The following GLYATL3 variants were observed in gnomAD, a reference collection of about 807,000 sequenced individuals.
GLYATL3 encodes glycine-N-acyltransferase like 3, also known as glycine N-acyltransferase-like protein 3.
In GLYATL3, 31 loss-of-function variants were observed where a neutral mutation model predicts 28.5. That is an observed-to-expected ratio of 1.09 (90% confidence interval 0.82 to 1.47). GLYATL3 has a LOEUF of 1.47. GLYATL3 is among the 40% of genes most tolerant of loss of function. The pLI is 0.00. For missense variants in GLYATL3, 369 were observed against 351.5 expected (o/e 1.05, Z -0.40); for synonymous variants, 141 against 140.2 (o/e 1.01, Z -0.04).
chr6:49,518,186 T>TTTGTTG (rs369581941), intron 4 of GLYATL3, among the ~76,000 whole-genome samples: 4 of 151,970 alleles, frequency 2.6e-5, no homozygotes, highest in African/African-American at 9.7e-5. Context: ...AGGGCCCTTT[T>TTTGTTG]TTGTTGTTGT....
At chr6:49,523,566 C>G (rs941027387) in intron 5 of GLYATL3, among the ~76,000 whole-genome samples, 5 of 152,220 alleles carry the variant, frequency 3.3e-5, no homozygotes, top group Admixed American at 6.5e-5. Context: ...TCCATGTTCT[C>G]AGACACCAAC....
chr6:49,511,267 G>A (rs1476296170), intron 1 of GLYATL3, among the ~76,000 whole-genome samples: 1 of 152,140 alleles, frequency 6.6e-6, no homozygotes, highest in Non-Finnish European at 1.5e-5. Context: ...AAATCTAATT[G>A]CATGAGAACA....
intron 1 of GLYATL3, among the ~76,000 whole-genome samples, chr6:49,510,121 C>A (rs1005808128): frequency 2.6e-5 from 4 of 151,770 alleles, no homozygotes; most frequent in African/African-American, 9.7e-5. Context: ...CACAACCTCG[C>A]AACCTCCGCC....
chr6:49,510,020 CCTTT>C (rs1335654084), intron 1 of GLYATL3, among the ~76,000 whole-genome samples: 2 of 107,132 alleles, frequency 1.9e-5, no homozygotes, highest in African/African-American at 6.8e-5. Flanking sequence ...TTCCTTCCTT[CCTTT>C]ATTTCATTTA....
chr6:49,514,260 T>C (rs1421507109), intron 2 of GLYATL3, among the ~76,000 whole-genome samples: 1 of 152,210 alleles, frequency 6.6e-6, no homozygotes, highest in Non-Finnish European at 1.5e-5. Context: ...CTGTTTTGAA[T>C]GTAACATAAA....
intron 5 of GLYATL3, among the ~76,000 whole-genome samples, chr6:49,525,093 A>ATTTTTTTTT (rs10630585): frequency 2.8e-5 from 4 of 141,354 alleles, no homozygotes; most frequent in African/African-American, 2.6e-5. Context: ...ATTCTAAAAC[A>ATTTTTTTTT]TTTTTTTTTT....
intron 2 of GLYATL3, among the ~76,000 whole-genome samples, chr6:49,514,021 A>G (rs1046291699): frequency 5.3e-5 from 8 of 152,232 alleles, no homozygotes; most frequent in African/African-American, 9.6e-5. Flanking sequence ...AACAAAGTCC[A>G]TTGAAATCTA....
chr6:49,501,266 G>T (rs2448700), intron 1 of GLYATL3, among the ~76,000 whole-genome samples: 1 of 152,124 alleles, frequency 6.6e-6, no homozygotes, highest in African/African-American at 2.4e-5. Context: ...CTAGCCAGGC[G>T]TTGGTGGTGT....
chr6:49,525,621 A>T (rs1769397177), intron 5 of GLYATL3, among the ~76,000 whole-genome samples: 1 of 151,222 alleles, frequency 6.6e-6, no homozygotes, highest in Admixed American at 6.6e-5. Context: ...TTGAGCAAAG[A>T]ACAGTTCATG....
chr6:49,522,322 G>C (rs901947379), intron 5 of GLYATL3, among the ~76,000 whole-genome samples: 3 of 152,150 alleles, frequency 2.0e-5, no homozygotes, highest in East Asian at 3.9e-4. Flanking sequence ...AAATTATAGA[G>C]CCAAGAAAGA....
chr6:49,509,940 TTTTCTTTCTC>T (rs201422328), intron 1 of GLYATL3, among the ~76,000 whole-genome samples: 2,383 of 124,644 alleles, frequency 0.019, 41 homozygotes, highest in East Asian at 0.02. Flanking sequence ...ATTTTACGTA[TTTTCTTTCTC>T]TTTCTTTCTT....
intron 1 of GLYATL3, among the ~76,000 whole-genome samples, chr6:49,511,413 G>C (rs534573643): frequency 5.9e-5 from 9 of 151,960 alleles, no homozygotes; most frequent in African/African-American, 2.2e-4. Context: ...TCCTCATAAC[G>C]ACCCGACCCA....
chr6:49,510,332 A>G (rs892863202), intron 1 of GLYATL3, among the ~76,000 whole-genome samples: 7 of 152,078 alleles, frequency 4.6e-5, no homozygotes, highest in African/African-American at 1.7e-4. Context: ...ATGAGACACC[A>G]CGCCCAGCCT....
At chr6:49,503,383 A>T (rs1271725578) in intron 1 of GLYATL3, among the ~76,000 whole-genome samples, 4 of 152,208 alleles carry the variant, frequency 2.6e-5, no homozygotes, top group Non-Finnish European at 5.9e-5. Context: ...CATAATTCTG[A>T]ATGTTCAGGT....
Position 49,526,832 on chromosome 6 carries a change from G to A in GLYATL3, c.785G>A (p.Ser262Asn). The change falls in exon 6 of 6, where the codon AGT (serine) becomes AAT (asparagine). Residue 262 changes from serine to asparagine, a missense_variant. By Grantham distance (46) the Ser-to-Asn change is conservative. Coordinates refer to ENST00000371197, the MANE Select transcript of GLYATL3 (RefSeq NM_001010904.2). ...DNTASISLLKSLHAEFLPCRF... is the reference protein window; with the variant it reads ...DNTASISLLKNLHAEFLPCRF... The stretch of plus-strand genomic sequence containing the variant: ...ACGGCGTCTATAAGCCTCCTGAAGA[G>A]TCTCCATGCTGAGTTCTTGCCTTGT... 1 of 1,552,172 alleles carries A rather than the reference G, an allele frequency of 6.4e-7. No homozygotes were observed. Among genetic ancestry groups the A allele is most frequent in the Non-Finnish European group, 8.7e-7 (1 of 1,147,074 alleles).
chr6:49,522,571 T>A (rs1419370679), intron 5 of GLYATL3, among the ~76,000 whole-genome samples: 1 of 152,188 alleles, frequency 6.6e-6, no homozygotes, highest in Non-Finnish European at 1.5e-5. Context: ...TACTGTAGAA[T>A]GATTAAACCA....
rs139434363 is a variant in GLYATL3, at chr6:49,526,863, C to T, written c.816C>T (p.Phe272=). 8.3e-5 allele frequency: 129 copies of T among 1,551,208 alleles called. No individual in the cohort carries two copies. The African/African-American group carries it at 1.4e-3, about 17-fold the overall frequency. Residue 272 remains phenylalanine, a synonymous_variant, in exon 6 of 6, where the codon TTC becomes TTT. Coordinates refer to ENST00000371197, the MANE Select transcript of GLYATL3 (RefSeq NM_001010904.2). The part of the protein sequence containing the change: ...SLHAEFLPCR[F]HRLILTPATF... The stretch of plus-strand genomic sequence containing the variant: ...ATGCTGAGTTCTTGCCTTGTCGCTT[C>T]CACAGGCTTATTCTCACCCCTGCGA...
chr6:49,526,436 T>C, intron 5 of GLYATL3, 52 bp from the exon 6 acceptor site: 1 of 1,433,048 alleles, frequency 7.0e-7, no homozygotes. Flanking sequence ...TGTAGTTATG[T>C]ATAACCACAT....
intron 3 of GLYATL3, among the ~76,000 whole-genome samples, 163 bp downstream of exon 3, chr6:49,515,923 C>CCTCCCTCCCCTCCCTCT (rs1769208094): frequency 7.5e-6 from 1 of 133,216 alleles, no homozygotes; most frequent in African/African-American, 2.8e-5. Flanking sequence ...TCCCTCCCTC[C>CCTCCCTCCCCTCCCTCT]CTCCCTCCCC....
Sources: gnomAD v4.1 joint callset for allele counts (sites outside exome capture counted in the v4.1 genomes callset) on GRCh38, gnomAD v4.1.1 for gene constraint, MANE v1.5 for transcripts, NCBI Gene and HGNC (gene_info 2026-07-23, HGNC 2026-07-21) for gene names.